The following GNA13 variants were observed in gnomAD, a reference collection of about 807,000 sequenced individuals.
The protein encoded by GNA13 is guanine nucleotide-binding protein subunit alpha-13.
In GNA13, 4 loss-of-function variants were observed where a neutral mutation model predicts 33.5. That is an observed-to-expected ratio of 0.12 (90% confidence interval 0.06 to 0.27). The LOEUF (loss-of-function observed/expected upper bound fraction) is 0.27. Ranked by LOEUF, GNA13 falls within the 10% of genes least tolerant of loss-of-function variation. The pLI, the probability that GNA13 is intolerant of heterozygous loss-of-function variation, is 1.00. For missense variants in GNA13, 319 were observed against 487.2 expected, an observed-to-expected ratio of 0.65 and a Z score of 3.25; for synonymous variants, 176 against 183.8, an observed-to-expected ratio of 0.96 and a Z score of 0.34.
chr17:65,034,449 C>T (rs977862193), intron 2 of GNA13, among the ~76,000 whole-genome samples: 7 of 151,618 alleles, frequency 4.6e-5, no homozygotes, highest in African/African-American at 9.7e-5. Flanking sequence ...CAGACACCCG[C>T]CACCACGCCC....
At chr17:65,054,608 G>A (rs914427177) in intron 1 of GNA13, among the ~76,000 whole-genome samples, 6 of 152,170 alleles carry the variant, frequency 3.9e-5, no homozygotes, top group Non-Finnish European at 8.8e-5. Context: ...ACCACGCCCA[G>A]CCTGAGAAAC....
intron 2 of GNA13, among the ~76,000 whole-genome samples, chr17:65,037,794 A>AAAAAAAAAAAAAAAC (rs1307183420): frequency 5.3e-5 from 8 of 149,854 alleles, no homozygotes; most frequent in Non-Finnish European, 8.9e-5. Flanking sequence ...AAAAAAAAAA[A>AAAAAAAAAAAAAAAC]AAAAAAGACA....
chr17:65,019,260 A>G (rs1048956852), intron 2 of GNA13, among the ~76,000 whole-genome samples: 1 of 152,168 alleles, frequency 6.6e-6, no homozygotes, highest in Non-Finnish European at 1.5e-5. Flanking sequence ...TAGCAGTTCT[A>G]TAATTTTTTG....
intron 1 of GNA13, among the ~76,000 whole-genome samples, chr17:65,055,954 C>T (rs769470836): frequency 6.6e-6 from 1 of 152,160 alleles, no homozygotes; most frequent in Non-Finnish European, 1.5e-5. Context: ...GCCTCATCCG[C>T]AGCGGGGAGG....
chr17:65,012,503 C>CGGT lies in GNA13; in HGVS notation c.*1751_*1753dup, dbSNP rs1231375739. 1 of 218,054 alleles carries CGGT rather than the reference C, an allele frequency of 4.6e-6. No homozygotes were observed. Among genetic ancestry groups the CGGT allele is most frequent in the East Asian group, 6.7e-5 (1 of 14,906 alleles). The allele number at this position is 218,054 out of a possible 1,614,324, so 13.5% of individuals were successfully genotyped here. On this transcript the variant is annotated 3_prime_UTR_variant, in exon 4 of 4. Coordinates refer to ENST00000439174, the MANE Select transcript of GNA13 (RefSeq NM_006572.6). ...TGCACGATACCATGAACTTGCATCA[C>CGGT]GGTGCCGGGCTACGTATGTGTAGCT...
rs1906169664 is a variant in GNA13 at position 65,011,026 on chromosome 17, TG to T, written c.*3230del. The stretch of plus-strand genomic sequence containing the variant: ...TATATAAATAAGGCATAATCGGATG[TG>T]TATTAATGCTGAAAATACATTTTAT... On this transcript the variant is annotated 3_prime_UTR_variant, in exon 4 of 4. Coordinates refer to ENST00000439174, the MANE Select transcript of GNA13 (RefSeq NM_006572.6). 1 of 199,540 alleles carries T rather than the reference TG, an allele frequency of 5.0e-6. No individual in the cohort carries two copies. The highest frequency in any genetic ancestry group is 2.3e-5 in the African/African-American group (1 of 43,418). The allele number at this position is 199,540 out of a possible 1,614,324, so 12.4% of individuals were successfully genotyped here.
intron 2 of GNA13, among the ~76,000 whole-genome samples, chr17:65,040,115 G>A (rs1174419951): frequency 6.6e-6 from 1 of 151,738 alleles, no homozygotes; most frequent in African/African-American, 2.4e-5. Context: ...ACACAGTAAG[G>A]CCAACTGTGC....
chr17:65,014,497 C>T lies in GNA13; in HGVS notation c.894G>A (p.Glu298=), dbSNP rs1273367371. 1 of 1,613,802 alleles carries T rather than the reference C, an allele frequency of 6.2e-7. No homozygotes were observed. Among genetic ancestry groups the T allele is most frequent in the Admixed American group, 1.7e-5 (1 of 60,022 alleles). The change falls in exon 4 of 4, where the codon GAG becomes GAA. Residue 298 remains glutamate, a synonymous_variant. Coordinates refer to ENST00000439174, the MANE Select transcript of GNA13 (RefSeq NM_006572.6). This position sits in a 1 kb window ranked among gnomAD's most constrained non-coding sequence, Gnocchi z 5.3. ...LFLNKTDLLE[E]KVQIVSIKDY... ...CTTTGATGCTCACAATTTGCACCTT[C>T]TCCTCAAGCAAGTCTGTCTTGTTTA...
At chr17:65,039,449 A>C (rs925421010) in intron 2 of GNA13, among the ~76,000 whole-genome samples, 2 of 152,194 alleles carry the variant, frequency 1.3e-5, no homozygotes, top group Non-Finnish European at 2.9e-5. Context: ...ATGGGCTACA[A>C]GGCCTGGCAG....
rs915581246 is a variant in GNA13, at chr17:65,010,509, C to A, written c.*3748G>T. ...TGTATCCTATCATTAAAAAACAAAA[C>A]AAAACAAAACAAAACAGTGCTTTTA... On this transcript the variant is annotated 3_prime_UTR_variant, in exon 4 of 4. Coordinates refer to ENST00000439174, the MANE Select transcript of GNA13 (RefSeq NM_006572.6). Among the ~76,000 whole-genome samples, 1 of 151,516 alleles carries A rather than the reference C, an allele frequency of 6.6e-6. No individual in the cohort carries two copies. The highest frequency in any genetic ancestry group is 2.4e-5 in the African/African-American group (1 of 41,322).
chr17:65,020,130 C>G (rs1421572921), intron 2 of GNA13, among the ~76,000 whole-genome samples: 1 of 152,178 alleles, frequency 6.6e-6, no homozygotes, highest in Non-Finnish European at 1.5e-5. Flanking sequence ...AACTGGTATC[C>G]TCTCCTCCTA....
At chr17:65,038,012 T>C (rs1381861164) in intron 2 of GNA13, among the ~76,000 whole-genome samples, 2 of 152,082 alleles carry the variant, frequency 1.3e-5, no homozygotes, top group Non-Finnish European at 2.9e-5. Flanking sequence ...CACCCATACA[T>C]CTCACAGAGA....
At chr17:65,042,722 G>T (rs1167047927) in intron 2 of GNA13, among the ~76,000 whole-genome samples, 1 of 152,094 alleles carries the variant, frequency 6.6e-6, no homozygotes, top group African/African-American at 2.4e-5. Flanking sequence ...GGGCAACAGA[G>T]CGAGACTCCA....
intron 2 of GNA13, among the ~76,000 whole-genome samples, chr17:65,026,322 T>C (rs965788798): frequency 2.0e-5 from 3 of 152,096 alleles, no homozygotes; most frequent in African/African-American, 7.2e-5. Flanking sequence ...AATACCAACA[T>C]AATTGACAAA....
intron 2 of GNA13, among the ~76,000 whole-genome samples, chr17:65,051,170 C>T (rs1323401598): frequency 6.6e-6 from 1 of 152,134 alleles, no homozygotes; most frequent in Non-Finnish European, 1.5e-5. Context: ...TTTATTTATT[C>T]ATTTAATCCA....
chr17:65,041,585 ACT>A (rs1296966123), intron 2 of GNA13, among the ~76,000 whole-genome samples: 2 of 152,128 alleles, frequency 1.3e-5, no homozygotes, highest in African/African-American at 2.4e-5. Flanking sequence ...TTAACTAAGT[ACT>A]CTCAACGCCT....
intron 1 of GNA13, 41 bp from the exon 2 acceptor site, chr17:65,053,769 C>T: frequency 8.4e-7 from 1 of 1,195,332 alleles, no homozygotes; most frequent in Admixed American, 1.8e-5. Context: ...GGAGAGGAGT[C>T]ATTACATATT....
At chr17:65,055,371 A>G (rs1908007920) in intron 1 of GNA13, among the ~76,000 whole-genome samples, 2 of 152,238 alleles carry the variant, frequency 1.3e-5, no homozygotes, top group Admixed American at 6.5e-5. Flanking sequence ...AACAAAGTTT[A>G]ATTTTAAAAC....
At chr17:65,019,523 T>C (rs1332335723) in intron 2 of GNA13, among the ~76,000 whole-genome samples, 2 of 152,178 alleles carry the variant, frequency 1.3e-5, no homozygotes, top group South Asian at 2.1e-4. Context: ...TGCAACAACA[T>C]ATATGGAAGT....
Sources: gnomAD v4.1 joint callset for allele counts (sites outside exome capture counted in the v4.1 genomes callset) on GRCh38, gnomAD v4.1.1 for gene constraint, Gnocchi (gnomAD v3.1) non-coding constraint, MANE v1.5 for transcripts, NCBI Gene and HGNC (gene_info 2026-07-23, HGNC 2026-07-21) for gene names.